The following MSRA variants were observed in gnomAD, a reference collection of about 807,000 sequenced individuals.
MSRA encodes the protein mitochondrial peptide methionine sulfoxide reductase.
Under a neutral mutation model 31.3 loss-of-function variants are expected in MSRA, and 54 were observed. The ratio of observed to expected loss-of-function variants is 1.73; its 90% CI spans 1.39 to 2.17. The LOEUF is 2.17. Among genes scored for constraint, MSRA ranks in the 30% most tolerant of loss-of-function variants. The probability of loss-of-function intolerance (pLI) is 0.00; values close to 1 mark genes in which losing one functional copy is unlikely to be tolerated. For synonymous variants in MSRA, 169 were observed against 116.5 expected (o/e 1.45, Z -2.90); for missense variants, 507 against 300.9 (o/e 1.69, Z -5.07).
At position 10,337,336 on chromosome 8, in the gene MSRA, C is replaced by A. The variant is rs146871945; in HGVS notation, c.543+17347C>A. ...CTGGGACTACAGGCGCCCGCCACCA[C>A]GCCTGGCTAATTTTTTTTATTTTTA... On this transcript the variant is annotated intron_variant, in intron 5 of 5. Transcript: ENST00000317173. 65 of 171,310 alleles carry A rather than the reference C, an allele frequency of 3.8e-4. 1 individual carries two copies. Among genetic ancestry groups the A allele is most frequent in the African/African-American group, 1.5e-3 (63 of 41,884 alleles). 10.6% of individuals were successfully genotyped at this position (171,310 alleles called of 1,614,324 possible).
intron 4 of MSRA, among the ~76,000 whole-genome samples, chr8:10,318,394 G>A (rs574042986): frequency 2.0e-5 from 3 of 152,168 alleles, no homozygotes; most frequent in East Asian, 1.9e-4. Context: ...TCCCTCCCTC[G>A]TCCTGGTTAT....
At chr8:10,181,108 A>C (rs866620596) in intron 1 of MSRA, among the ~76,000 whole-genome samples, 2 of 152,254 alleles carry the variant, frequency 1.3e-5, no homozygotes, top group Non-Finnish European at 2.9e-5. Flanking sequence ...TACAGCTCCC[A>C]GTAAATACTT....
At chr8:10,422,495 GGT>G (rs1808872004) in intron 5 of MSRA, among the ~76,000 whole-genome samples, 1 of 152,196 alleles carries the variant, frequency 6.6e-6, no homozygotes, top group South Asian at 2.1e-4. Context: ...AATTCTGTTA[GGT>G]GACCTTCCAG....
rs1248444156 is a variant in MSRA, at chr8:10,160,805, G to A, written c.143-47028G>A. 3.9e-5 allele frequency among the ~76,000 whole-genome samples: 6 copies of A among 152,142 alleles called. No individual in the cohort carries two copies. The East Asian group carries it at 1.2e-3, about 30-fold the overall frequency. The stretch of plus-strand genomic sequence containing the variant: ...GGCCTCCCAAAGTGCTGGGATTACA[G>A]GCATGAGCCATCGTACCCGGCCGAG... On this transcript the variant is annotated intron_variant, in intron 1 of 5. Coordinates refer to ENST00000317173, the MANE Select transcript of MSRA (RefSeq NM_012331.5).
chr8:10,133,658 C>G (rs1380719634), intron 1 of MSRA, among the ~76,000 whole-genome samples: 2 of 152,158 alleles, frequency 1.3e-5, no homozygotes, highest in Non-Finnish European at 2.9e-5. Context: ...TATTGTTAGG[C>G]TTAAAGGACG....
At chr8:10,143,450 T>C (rs1802872253) in intron 1 of MSRA, among the ~76,000 whole-genome samples, 2 of 152,222 alleles carry the variant, frequency 1.3e-5, no homozygotes, top group South Asian at 4.1e-4. Context: ...CCTGCTTTAG[T>C]GTCGCAGCGA....
chr8:10,360,090 C>G (rs902763976), intron 5 of MSRA, among the ~76,000 whole-genome samples: 1 of 152,350 alleles, frequency 6.6e-6, no homozygotes, highest in South Asian at 2.1e-4. Context: ...GCTCCAGCCT[C>G]TTCACCCAGG....
At chr8:10,418,726 A>G (rs1808626829) in intron 5 of MSRA, among the ~76,000 whole-genome samples, 1 of 145,638 alleles carries the variant, frequency 6.9e-6, no homozygotes, top group Non-Finnish European at 1.5e-5. Flanking sequence ...GATAGTAGTG[A>G]TAGTGGTACA....
chr8:10,069,814 G>C (rs1361318007), intron 1 of MSRA, among the ~76,000 whole-genome samples: 1 of 152,118 alleles, frequency 6.6e-6, no homozygotes, highest in African/African-American at 2.4e-5. Flanking sequence ...TTCTTTATCA[G>C]GTTAAAGAAG....
chr8:10,151,281 A>T (rs1382468197), intron 1 of MSRA, among the ~76,000 whole-genome samples: 3 of 149,764 alleles, frequency 2.0e-5, no homozygotes, highest in African/African-American at 4.9e-5. Flanking sequence ...AAAAAAAAAA[A>T]AAAAAAATAA....
chr8:10,100,205 T>C (rs548125758), intron 1 of MSRA, among the ~76,000 whole-genome samples: 14 of 152,252 alleles, frequency 9.2e-5, no homozygotes, highest in African/African-American at 3.1e-4. Context: ...TGTAAATGGG[T>C]TGCTGAGGCC....
chr8:10,144,063 A>T (rs999111393), intron 1 of MSRA, among the ~76,000 whole-genome samples: 9 of 152,082 alleles, frequency 5.9e-5, no homozygotes, highest in Non-Finnish European at 4.4e-5. Flanking sequence ...TGGTAACAGT[A>T]CCCAGACAGG....
At chr8:10,304,910 T>C (rs183648422) in intron 4 of MSRA, among the ~76,000 whole-genome samples, 2 of 152,338 alleles carry the variant, frequency 1.3e-5, no homozygotes, top group African/African-American at 2.4e-5. Flanking sequence ...CAAAAGTGAT[T>C]ACTAAAACTA....
chr8:10,319,900 G>C lies in MSRA; in HGVS notation c.454G>C (p.Asp152His), dbSNP rs780558371. ...TTTCCTAGGTATGCGCCAGGGGAAC[G>C]ACCATGGCACTCAGTACCGCTCGGC... Reference protein sequence around the residue: ...DPTQGMRQGNDHGTQYRSAIY... With the variant: ...DPTQGMRQGNHHGTQYRSAIY... The change falls in exon 5 of 6, where the codon GAC becomes CAC. Residue 152 changes from aspartate (D) to histidine (H), a missense_variant. Transcript: ENST00000317173. 6.4e-7 allele frequency: 1 copy of C among 1,560,674 alleles called. No individual in the cohort carries two copies. The highest frequency in any genetic ancestry group is 8.7e-7 in the Non-Finnish European group (1 of 1,152,290).
intron 3 of MSRA, among the ~76,000 whole-genome samples, chr8:10,260,779 G>A (rs1281968240): frequency 6.6e-6 from 1 of 152,170 alleles, no homozygotes; most frequent in Non-Finnish European, 1.5e-5. Flanking sequence ...AATGTCTTTT[G>A]TAAGAGGACT....
intron 2 of MSRA, among the ~76,000 whole-genome samples, chr8:10,221,853 T>C (rs535412812): frequency 3.9e-5 from 6 of 152,114 alleles, no homozygotes; most frequent in African/African-American, 1.4e-4. Flanking sequence ...ATGGAAAAAG[T>C]GTCCCAGGCA....
chr8:10,189,687 T>G (rs1807348986), intron 1 of MSRA, among the ~76,000 whole-genome samples: 2 of 152,190 alleles, frequency 1.3e-5, no homozygotes, highest in Non-Finnish European at 1.5e-5. Flanking sequence ...CTTGGATGAA[T>G]CCCACTTGGC....
chr8:10,291,001 A>G (rs1191535411), intron 3 of MSRA, among the ~76,000 whole-genome samples: 1 of 152,140 alleles, frequency 6.6e-6, no homozygotes, highest in Non-Finnish European at 1.5e-5. Flanking sequence ...AAGGGTTAGC[A>G]TTGGGTGCGA....
intron 5 of MSRA, among the ~76,000 whole-genome samples, chr8:10,421,356 C>T (rs1047777166): frequency 2.0e-5 from 3 of 152,176 alleles, no homozygotes; most frequent in Non-Finnish European, 4.4e-5. Flanking sequence ...GGTGGAAGCC[C>T]TTTGGAAACA....
Sources: gnomAD v4.1 joint callset for allele counts (sites outside exome capture counted in the v4.1 genomes callset) on GRCh38, gnomAD v4.1.1 for gene constraint, MANE v1.5 for transcripts, NCBI Gene and HGNC (gene_info 2026-07-23, HGNC 2026-07-21) for gene names.